The following SPIDR variants were observed in gnomAD, a reference collection of about 807,000 sequenced individuals.
The protein encoded by SPIDR is DNA repair-scaffolding protein.
In SPIDR, 93 loss-of-function variants were observed where a neutral mutation model predicts 104.6. The observed-to-expected ratio is 0.89, with a 90% CI of 0.75 to 1.06. The LOEUF (loss-of-function observed/expected upper bound fraction) is 1.06. Ranked by LOEUF, SPIDR falls within the 50% of genes least tolerant of loss-of-function variation. SPIDR has a pLI of 0.00. For missense variants in SPIDR, 1,154 were observed against 1,111.2 expected (o/e 1.04, Z -0.55); for synonymous variants, 431 against 416.9 (o/e 1.03, Z -0.41).
intron 7 of SPIDR, among the ~76,000 whole-genome samples, chr8:47,424,143 A>G (rs1312276995): frequency 6.6e-6 from 1 of 152,066 alleles, no homozygotes; most frequent in Non-Finnish European, 1.5e-5. Context: ...TTCATAGCCT[A>G]CTTGTTTTAG....
chr8:47,511,179 T>G (rs115359171), intron 8 of SPIDR: 2 of 1,563,122 alleles, frequency 1.3e-6, no homozygotes, highest in Non-Finnish European at 1.8e-6. Flanking sequence ...CAATGAAGAG[T>G]TGGATGTTGC....
chr8:47,671,939 A>G (rs1479416824), intron 10 of SPIDR, among the ~76,000 whole-genome samples: 4 of 151,836 alleles, frequency 2.6e-5, no homozygotes, highest in Non-Finnish European at 4.4e-5. Flanking sequence ...CTTGCTTGGT[A>G]TTTGTTTGGT....
intron 5 of SPIDR, among the ~76,000 whole-genome samples, chr8:47,321,759 G>A (rs112358678): frequency 0.02 from 3,076 of 152,146 alleles, 60 homozygotes; most frequent in Non-Finnish European, 0.024. Flanking sequence ...ATAGAACAAT[G>A]GAACAGAACA....
chr8:47,632,226 G>A (rs553847490), intron 10 of SPIDR, among the ~76,000 whole-genome samples: 6 of 152,168 alleles, frequency 3.9e-5, no homozygotes, highest in South Asian at 2.1e-4. Flanking sequence ...GTGAAATACC[G>A]AGTTGAACTA....
chr8:47,716,449 CT>C (rs1390215378), intron 16 of SPIDR, among the ~76,000 whole-genome samples: 1 of 152,080 alleles, frequency 6.6e-6, no homozygotes, highest in Non-Finnish European at 1.5e-5. Flanking sequence ...TGTGCATCTC[CT>C]TTTGGGGTTA....
At chr8:47,388,819 G>A (rs1269367264) in intron 5 of SPIDR, among the ~76,000 whole-genome samples, 2 of 152,214 alleles carry the variant, frequency 1.3e-5, no homozygotes, top group Non-Finnish European at 2.9e-5. Context: ...TACTACAGCA[G>A]TATTGCTAAC....
intron 10 of SPIDR, among the ~76,000 whole-genome samples, chr8:47,617,828 C>T (rs2064548661): frequency 6.6e-6 from 1 of 152,096 alleles, no homozygotes; most frequent in Non-Finnish European, 1.5e-5. Context: ...CCTTAGATTA[C>T]TTTATGCCAT....
At chr8:47,479,705 G>T (rs2076680020) in intron 8 of SPIDR, among the ~76,000 whole-genome samples, 1 of 152,210 alleles carries the variant, frequency 6.6e-6, no homozygotes, top group African/African-American at 2.4e-5. Context: ...GAAGGGAGGG[G>T]CTCAGGGCAA....
chr8:47,576,099 G>A (rs890441525), intron 8 of SPIDR, among the ~76,000 whole-genome samples: 4 of 151,076 alleles, frequency 2.6e-5, no homozygotes, highest in Admixed American at 6.6e-5. Flanking sequence ...TATCTTTGAA[G>A]AATAATAAAC....
At chr8:47,389,664 G>A (rs2060344273) in intron 5 of SPIDR, among the ~76,000 whole-genome samples, 1 of 148,004 alleles carries the variant, frequency 6.8e-6, no homozygotes, top group Non-Finnish European at 1.5e-5. Flanking sequence ...ATTCCAGCCT[G>A]GGCGACAGAG....
At chr8:47,488,696 C>T (rs1176752281) in intron 8 of SPIDR, among the ~76,000 whole-genome samples, 1 of 152,154 alleles carries the variant, frequency 6.6e-6, no homozygotes, top group East Asian at 1.9e-4. Context: ...GCAGGTTCAA[C>T]ATACGCAAAT....
intron 14 of SPIDR, among the ~76,000 whole-genome samples, chr8:47,706,652 C>T (rs904787598): frequency 2.0e-5 from 3 of 152,192 alleles, no homozygotes; most frequent in Admixed American, 6.5e-5. Context: ...CAACCACTCA[C>T]ATGTTCTCTG....
intron 16 of SPIDR, among the ~76,000 whole-genome samples, chr8:47,722,748 G>C (rs1053449250): frequency 6.6e-6 from 1 of 151,914 alleles, no homozygotes; most frequent in African/African-American, 2.4e-5. Flanking sequence ...CTTGGAACCA[G>C]AAATGTTTTG....
At chr8:47,551,239 G>A (rs542579420) in intron 8 of SPIDR, among the ~76,000 whole-genome samples, 9 of 152,188 alleles carry the variant, frequency 5.9e-5, no homozygotes, top group African/African-American at 2.2e-4. Context: ...CTCCTTTTTT[G>A]TTGTGTCTCT....
At chr8:47,663,304 C>T (rs1441122378) in intron 10 of SPIDR, among the ~76,000 whole-genome samples, 2 of 152,242 alleles carry the variant, frequency 1.3e-5, no homozygotes, top group East Asian at 1.9e-4. Context: ...CTTCCTATCA[C>T]TCACACAGTC....
At chr8:47,670,791 G>A (rs1428336465) in intron 10 of SPIDR, among the ~76,000 whole-genome samples, 1 of 152,072 alleles carries the variant, frequency 6.6e-6, no homozygotes, top group African/African-American at 2.4e-5. Flanking sequence ...TATTAATTGT[G>A]TTGTTATTCT....
intron 1 of SPIDR, among the ~76,000 whole-genome samples, chr8:47,264,024 T>G (rs1425984211): frequency 6.6e-6 from 1 of 152,316 alleles, no homozygotes; most frequent in South Asian, 2.1e-4. Context: ...GAGAACTAGT[T>G]TAGAAGATTT....
intron 6 of SPIDR, among the ~76,000 whole-genome samples, chr8:47,403,304 A>C (rs2062185650): frequency 6.6e-6 from 1 of 152,224 alleles, no homozygotes; most frequent in Admixed American, 6.5e-5. Flanking sequence ...CAAGACAGGG[A>C]TGCCCTCTCT....
Position 47,415,150 on chromosome 8 carries a change from G to T in SPIDR, c.877+7189G>T, listed in dbSNP as rs1301265909. ...GATCTCCTGACCTCGTGATCCTCCC[G>T]CCTCGGCCTCCCAGAGTGCTGGGAT... On this transcript the variant is annotated intron_variant, in intron 7 of 19. Coordinates refer to ENST00000297423, the MANE Select transcript of SPIDR (RefSeq NM_001080394.4). Among the ~76,000 whole-genome samples the T allele has an allele frequency of 7.9e-5, 12 of 152,014 alleles. 1 individual carries two copies. The highest frequency in any genetic ancestry group is 7.9e-4 in the Admixed American group (12 of 15,264).
Sources: allele counts gnomAD v4.1 joint callset (sites outside exome capture counted in the v4.1 genomes callset), GRCh38; gene constraint gnomAD v4.1.1; transcripts MANE v1.5; gene names NCBI Gene and HGNC (gene_info 2026-07-23, HGNC 2026-07-21).